The following GGTA1 variants were observed in gnomAD, a reference collection of about 807,000 sequenced individuals.
The protein encoded by GGTA1 is inactive N-acetyllactosaminide alpha-1,3-galactosyltransferase.
Under a neutral mutation model 2.6 loss-of-function variants are expected in GGTA1, and 5 were observed. The observed-to-expected ratio is 1.92, with a 90% CI of 1.00 to 4.04. The LOEUF (loss-of-function observed/expected upper bound fraction) is 4.04, where lower values mean the gene tolerates loss of function less well. GGTA1 is among the 30% of genes most tolerant of loss of function. The pLI is 0.00. For synonymous variants in GGTA1, 17 were observed against 5.0 expected, an observed-to-expected ratio of 3.38 and a Z score of -3.19; for missense variants, 50 against 16.7, an observed-to-expected ratio of 2.99 and a Z score of -3.47.
At chr9:121,465,404 C>T (rs1041999140) in intron 2 of GGTA1, among the ~76,000 whole-genome samples, 6 of 152,182 alleles carry the variant, frequency 3.9e-5, no homozygotes, top group Non-Finnish European at 5.9e-5. Context: ...CTTGTTCTGC[C>T]CTCTGGAGCA....
chr9:121,484,606 A>G (rs1168042071), intron 1 of GGTA1, among the ~76,000 whole-genome samples: 1 of 152,238 alleles, frequency 6.6e-6, no homozygotes, highest in Non-Finnish European at 1.5e-5. Flanking sequence ...CAATGAGAAC[A>G]TATTACTTTT....
intron 1 of GGTA1, among the ~76,000 whole-genome samples, chr9:121,496,571 A>G (rs1328008664): frequency 6.6e-6 from 1 of 151,540 alleles, no homozygotes; most frequent in Non-Finnish European, 1.5e-5. Context: ...TCTACTAAAA[A>G]TACAAAAGAA....
intron 1 of GGTA1, among the ~76,000 whole-genome samples, chr9:121,473,290 G>A (rs142820963): frequency 1.3e-4 from 19 of 140,952 alleles, no homozygotes; most frequent in East Asian, 1.0e-3. Context: ...ACTGCACTCC[G>A]GCCTAGGTGA....
At chr9:121,478,424 A>G (rs775659687) in intron 1 of GGTA1, among the ~76,000 whole-genome samples, 1 of 152,192 alleles carries the variant, frequency 6.6e-6, no homozygotes. Flanking sequence ...AGCTTGCCAG[A>G]GATCACTGGG....
chr9:121,458,573 G>A (rs1363309647), intron 5 of GGTA1, among the ~76,000 whole-genome samples: 1 of 151,756 alleles, frequency 6.6e-6, no homozygotes, highest in African/African-American at 2.4e-5. Flanking sequence ...GCTACAGTGA[G>A]CCATGATTGT....
chr9:121,446,842 T>A (rs1329957505), exon 8 of GGTA1: 1 of 152,212 alleles, frequency 6.6e-6, no homozygotes, highest in Non-Finnish European at 1.5e-5. Context: ...AAGTGTTACT[T>A]TTCTGAGGAA....
intron 1 of GGTA1, among the ~76,000 whole-genome samples, chr9:121,496,003 C>A (rs983242798): frequency 6.6e-6 from 1 of 152,210 alleles, no homozygotes; most frequent in Admixed American, 6.5e-5. Flanking sequence ...ATTTGCCTGG[C>A]CCACAGAGTA....
chr9:121,497,848 T>C (rs1829025398), intron 1 of GGTA1, among the ~76,000 whole-genome samples: 1 of 152,166 alleles, frequency 6.6e-6, no homozygotes, highest in African/African-American at 2.4e-5. Flanking sequence ...GGCAGCCCTG[T>C]GGCCCTGGAG....
downstream of GGTA1, among the ~76,000 whole-genome samples, chr9:121,450,110 C>T (rs1054748904): frequency 7.7e-4 from 117 of 152,098 alleles, 1 homozygote; most frequent in African/African-American, 2.8e-3. Flanking sequence ...TGCTTGGATT[C>T]CCTTTATTTG....
chr9:121,455,139 G>C lies in GGTA1; in HGVS notation c.*698C>G, dbSNP rs1247289501. On this transcript the variant is annotated 3_prime_UTR_variant, in exon 6 of 6. Coordinates refer to ENST00000481799, the MANE Select transcript of GGTA1 (RefSeq NM_001382585.1). ...TGTTGTTGTTTTTAGTAGCTTACATGGTGCTTTTAGTTCTATAAAACTCCC... is the reference window on the plus strand; with the variant it reads ...TGTTGTTGTTTTTAGTAGCTTACATCGTGCTTTTAGTTCTATAAAACTCCC... 6.6e-6 allele frequency: 1 copy of C among 152,086 alleles called. No individual in the cohort carries two copies. Among genetic ancestry groups the C allele is most frequent in the Non-Finnish European group, 1.5e-5 (1 of 68,022 alleles). The allele number at this position is 152,086 out of a possible 1,614,324, so 9.4% of individuals were successfully genotyped here.
chr9:121,449,986 A>T (rs949999480), intron 7 of GGTA1, among the ~76,000 whole-genome samples: 1 of 152,204 alleles, frequency 6.6e-6, no homozygotes, highest in African/African-American at 2.4e-5. Flanking sequence ...GCTTAATACA[A>T]CTTGACCAAA....
intron 5 of GGTA1, among the ~76,000 whole-genome samples, chr9:121,458,066 C>A (rs1291087656): frequency 2.0e-5 from 3 of 151,656 alleles, no homozygotes; most frequent in African/African-American, 7.3e-5. Context: ...CCCACAACCA[C>A]TCCCAGCTGA....
At chr9:121,485,140 T>A (rs1828732971) in intron 1 of GGTA1, among the ~76,000 whole-genome samples, 1 of 152,198 alleles carries the variant, frequency 6.6e-6, no homozygotes. Context: ...CCACCCCAGA[T>A]AAATGCTGAA....
chr9:121,482,372 T>C (rs1399925413), intron 1 of GGTA1, among the ~76,000 whole-genome samples: 1 of 151,894 alleles, frequency 6.6e-6, no homozygotes, highest in East Asian at 1.9e-4. Context: ...AAGACTGAGG[T>C]GAGAGGATCA....
chr9:121,488,261 C>A (rs973566697), intron 1 of GGTA1, among the ~76,000 whole-genome samples: 1 of 152,142 alleles, frequency 6.6e-6, no homozygotes, highest in African/African-American at 2.4e-5. Flanking sequence ...GCAATCCTCC[C>A]GCCTTAGCCT....
At chr9:121,461,420 A>T in intron 3 of GGTA1, 103 bp from the exon 4 acceptor site, 1 of 391,366 alleles carries the variant, frequency 2.6e-6, no homozygotes, top group Non-Finnish European at 4.9e-6. Flanking sequence ...AAAAAAATAA[A>T]AAACCTTAAA....
Position 121,496,757 on chromosome 9 carries a change from A to AAAAAAAAAAAAAAAAAAAAAAAGAG in GGTA1, c.-10+2892_-10+2893insCTCTTTTTTTTTTTTTTTTTTTTTT, listed in dbSNP as rs1554838784. ...AAAAAAAAAAAAAAAAAAAAAAAAA[A>AAAAAAAAAAAAAAAAAAAAAAAGAG]AGAGAGAGAGAATCGCTTGAATGAA... is the stretch of plus-strand genomic sequence containing the variant. On this transcript the variant is annotated intron_variant, in intron 1 of 5. Coordinates refer to ENST00000481799, the MANE Select transcript of GGTA1 (RefSeq NM_001382585.1). Among the ~76,000 whole-genome samples the AAAAAAAAAAAAAAAAAAAAAAAGAG allele has an allele frequency of 5.5e-4, 62 of 111,972 alleles. 6 individuals carry two copies. Among genetic ancestry groups the AAAAAAAAAAAAAAAAAAAAAAAGAG allele is most frequent in the Middle Eastern group, 5.9e-3 (1 of 170 alleles). 73.5% of individuals were successfully genotyped at this position (111,972 alleles called of 152,430 possible). A position where few individuals can be genotyped will look rare whatever the true frequency, so the allele number is the denominator to read the frequency against.
intron 1 of GGTA1, chr9:121,479,441 G>A (rs748485929): frequency 7.6e-6 from 2 of 262,164 alleles, no homozygotes; most frequent in Non-Finnish European, 1.5e-5. Flanking sequence ...CTGTTTATCA[G>A]GCCTGTTGAC....
chr9:121,457,694 C>G (rs1428492813), intron 5 of GGTA1, among the ~76,000 whole-genome samples: 1 of 91,774 alleles, frequency 1.1e-5, no homozygotes, highest in East Asian at 2.7e-4. Flanking sequence ...AAGCGAGAAT[C>G]CATCTTAAAA....
Sources: gnomAD v4.1 joint callset for allele counts (sites outside exome capture counted in the v4.1 genomes callset) on GRCh38, gnomAD v4.1.1 for gene constraint, MANE v1.5 for transcripts, NCBI Gene and HGNC (gene_info 2026-07-23, HGNC 2026-07-21) for gene names.